The following BMP5 variants were observed in gnomAD, a reference collection of about 807,000 sequenced individuals.
The protein encoded by BMP5 is bone morphogenetic protein 5.
In BMP5, 23 loss-of-function variants were observed where a neutral mutation model predicts 46.6. The ratio of observed to expected loss-of-function variants is 0.49; its 90% CI spans 0.35 to 0.70. The LOEUF (loss-of-function observed/expected upper bound fraction) is 0.70. Ranked by LOEUF, BMP5 falls within the 30% of genes least tolerant of loss-of-function variation. BMP5 has a pLI of 0.00. For synonymous variants in BMP5, 204 were observed against 191.9 expected (o/e 1.06, Z -0.52); for missense variants, 545 against 565.6 (o/e 0.96, Z 0.37).
At chr6:55,822,882 C>T (rs1040174042) in intron 1 of BMP5, among the ~76,000 whole-genome samples, 9 of 152,006 alleles carry the variant, frequency 5.9e-5, no homozygotes, top group African/African-American at 1.4e-4. Flanking sequence ...CCACACAGAA[C>T]GAAGTTGCAT....
At chr6:55,762,718 C>T (rs1254378137) in intron 4 of BMP5, among the ~76,000 whole-genome samples, 1 of 152,026 alleles carries the variant, frequency 6.6e-6, no homozygotes, top group Non-Finnish European at 1.5e-5. Flanking sequence ...TTCATAAACT[C>T]CTTGATATAC....
chr6:55,760,970 T>A (rs910545884), intron 4 of BMP5, among the ~76,000 whole-genome samples: 1 of 152,062 alleles, frequency 6.6e-6, no homozygotes, highest in Admixed American at 6.6e-5. Context: ...GGATCTTACT[T>A]AGCTGATTTT....
At chr6:55,759,142 C>CAAAAAAAAAAAAAAAAAAAAAAAAAAAA in intron 5 of BMP5, 27 bp from the exon 6 acceptor site, 1 of 119,564 alleles carries the variant, frequency 8.4e-6, no homozygotes, top group Non-Finnish European at 1.4e-5. Flanking sequence ...CACACACACA[C>CAAAAAAAAAAAAAAAAAAAAAAAAAAAA]ACAAAAAAAA....
chr6:55,811,478 G>C (rs1776132704), intron 2 of BMP5, among the ~76,000 whole-genome samples: 1 of 152,166 alleles, frequency 6.6e-6, no homozygotes, highest in Non-Finnish European at 1.5e-5. Context: ...CACATGGTGA[G>C]TGTCCATTAA....
At position 55,854,534 on chromosome 6, in the gene BMP5, T is replaced by C. The variant is rs570823299; in HGVS notation, c.490+19842A>G. ...TATATTTATCATTCAATAAAGATAA[T>C]TTTCACTGTATTTTCTTTTTAGCCT... On this transcript the variant is annotated intron_variant, in intron 1 of 6. Transcript: ENST00000370830. Among the ~76,000 whole-genome samples the C allele has an allele frequency of 1.2e-4, 19 of 152,196 alleles. No homozygotes were observed. In the East Asian group the frequency reaches 3.5e-3, roughly 28 times the overall value.
intron 1 of BMP5, among the ~76,000 whole-genome samples, chr6:55,848,473 C>G (rs1370407175): frequency 6.6e-6 from 1 of 151,856 alleles, no homozygotes; most frequent in Non-Finnish European, 1.5e-5. Context: ...TATACACATA[C>G]ATGTAAGTCT....
chr6:55,834,280 A>C (rs1776733229), intron 1 of BMP5, among the ~76,000 whole-genome samples: 1 of 152,174 alleles, frequency 6.6e-6, no homozygotes, highest in African/African-American at 2.4e-5. Flanking sequence ...TTACTAACAG[A>C]AACTTCCTTT....
chr6:55,755,570 T>C lies in BMP5; in HGVS notation c.1328A>G (p.Tyr443Cys). The C allele has an allele frequency of 1.2e-6, 2 of 1,611,712 alleles. No individual in the cohort carries two copies. Among genetic ancestry groups the C allele is most frequent in the Non-Finnish European group, 1.7e-6 (2 of 1,178,402 alleles). Residue 443 changes from tyrosine (Y) to cysteine (C), a missense_variant, in exon 7 of 7, where the codon TAT (tyrosine) becomes TGT (cysteine). Transcript: ENST00000370830. Reference sequence around the variant, plus strand: ...ACATGAGCGTACTACCATATTTCTATATTTTTTCAAAATGACATTGGAGCT... The same window carrying C: ...ACATGAGCGTACTACCATATTTCTACATTTTTTCAAAATGACATTGGAGCT... ...DDSSNVILKK[Y>C]RNMVVRSCGC...
chr6:55,794,526 A>T (rs186773904), intron 2 of BMP5, 99 bp from the exon 3 acceptor site: 3 of 1,166,168 alleles, frequency 2.6e-6, no homozygotes, highest in Non-Finnish European at 2.5e-6. Context: ...TTTGTAAAAT[A>T]ACAGCAGTTA....
chr6:55,869,444 CT>C (rs1412621253), intron 1 of BMP5, among the ~76,000 whole-genome samples: 1 of 151,954 alleles, frequency 6.6e-6, no homozygotes, highest in Admixed American at 6.6e-5. Flanking sequence ...ATATCTCACT[CT>C]TCGTCTCTTT....
At chr6:55,765,951 A>AC (rs1210660134) in intron 4 of BMP5, among the ~76,000 whole-genome samples, 15 of 152,142 alleles carry the variant, frequency 9.9e-5, no homozygotes, top group African/African-American at 3.6e-4. Context: ...CAGTTCCCTG[A>AC]CGCCTCCTGC....
rs544709042 is a variant in BMP5 at position 55,803,154 on chromosome 6, G to C, written c.684-8727C>G. ...TACAAAAATTAGCTGGGGTGGGGGG[G>C]TGGGGGGGGCAGGCGCCTGTAATCC... On this transcript the variant is annotated intron_variant, in intron 2 of 6. Transcript: ENST00000370830. Among the ~76,000 whole-genome samples the C allele has an allele frequency of 3.2e-3, 432 of 133,692 alleles. 3 individuals carry two copies. Among genetic ancestry groups the C allele is most frequent in the African/African-American group, 0.011 (404 of 37,288 alleles). The allele number at this position is 133,692 out of a possible 152,430, so 87.7% of individuals were successfully genotyped here.
intron 1 of BMP5, among the ~76,000 whole-genome samples, chr6:55,830,561 A>T (rs1776640092): frequency 6.6e-6 from 1 of 152,118 alleles, no homozygotes; most frequent in Non-Finnish European, 1.5e-5. Flanking sequence ...GATTTATGTT[A>T]GACCATCTTA....
intron 2 of BMP5, among the ~76,000 whole-genome samples, chr6:55,818,635 G>GCTAAAATAGACATGCTTCTGAGCAAAAA (rs1776333641): frequency 6.6e-6 from 1 of 152,092 alleles, no homozygotes; most frequent in African/African-American, 2.4e-5. Flanking sequence ...CAATAGACAT[G>GCTAAAATAGACATGCTTCTGAGCAAAAA]ACCTCAGAAG....
chr6:55,774,664 T>C (rs1374325641), intron 3 of BMP5, among the ~76,000 whole-genome samples: 1 of 152,000 alleles, frequency 6.6e-6, no homozygotes, highest in Admixed American at 6.6e-5. Flanking sequence ...GCAGGGTGTT[T>C]CTACTTTCTC....
chr6:55,759,157 AAAAAAAAAAAAAAAAAAAAAAAAAAAC>A lies in BMP5; in HGVS notation c.1105-69_1105-43del, dbSNP rs1562023433. On this transcript the variant is annotated intron_variant, in intron 5 of 6. Coordinates refer to ENST00000370830, the MANE Select transcript of BMP5 (RefSeq NM_021073.4). ...CACACACACACACAAAAAAAAAAAA[AAAAAAAAAAAAAAAAAAAAAAAAAAAC>A]AACAAGAAAAAATATCACCAAAGTA... is the stretch of plus-strand genomic sequence containing the variant. 9.3e-5 allele frequency: 66 copies of A among 711,606 alleles called. 1 individual carries two copies. Among genetic ancestry groups the A allele is most frequent in the South Asian group, 6.2e-4 (35 of 56,564 alleles). 44.1% of individuals were successfully genotyped at this position (711,606 alleles called of 1,614,324 possible). A position where few individuals can be genotyped will look rare whatever the true frequency, so the allele number is the denominator to read the frequency against.
intron 4 of BMP5, among the ~76,000 whole-genome samples, chr6:55,767,640 G>C (rs1774946664): frequency 6.6e-6 from 1 of 151,810 alleles, no homozygotes; most frequent in South Asian, 2.1e-4. Context: ...GTTTCAGGAG[G>C]GGTTTCCAGA....
intron 1 of BMP5, among the ~76,000 whole-genome samples, chr6:55,836,193 T>C (rs1374980905): frequency 6.6e-6 from 1 of 152,154 alleles, no homozygotes; most frequent in African/African-American, 2.4e-5. Flanking sequence ...AAGTATTTCA[T>C]GAAATAAATT....
Position 55,874,413 on chromosome 6 carries a change from C to A in BMP5, c.453G>T (p.Leu151=). 1 of 1,613,100 alleles carries A rather than the reference C, an allele frequency of 6.2e-7. No individual in the cohort carries two copies. The highest frequency in any genetic ancestry group is 1.1e-5 in the South Asian group (1 of 91,042). ...AGCTCATGACCATGTCAGCATCATT[C>A]AGAAAGTTGGTATCATGGAGGCTGG... is the stretch of plus-strand genomic sequence containing the variant. ...PLASLHDTNF[L]NDADMVMSFV... Residue 151 remains leucine, a synonymous_variant, in exon 1 of 7, where the codon CTG becomes CTT. Transcript: ENST00000370830.
Sources: gnomAD v4.1 joint callset for allele counts (sites outside exome capture counted in the v4.1 genomes callset) on GRCh38, gnomAD v4.1.1 for gene constraint, MANE v1.5 for transcripts, NCBI Gene and HGNC (gene_info 2026-07-23, HGNC 2026-07-21) for gene names.